The following WDR33 variants were observed in gnomAD, a reference collection of about 807,000 sequenced individuals.
WDR33 encodes pre-mRNA 3' end processing protein WDR33.
Under a neutral mutation model 164.9 loss-of-function variants are expected in WDR33, and 47 were observed. The observed-to-expected ratio is 0.29, with a 90% CI of 0.23 to 0.36. The LOEUF is 0.36. Ranked by LOEUF, WDR33 falls within the 10% of genes least tolerant of loss-of-function variation. The pLI, the probability that WDR33 is intolerant of heterozygous loss-of-function variation, is 1.00. For missense variants in WDR33, 1,137 were observed against 1,754.1 expected, an observed-to-expected ratio of 0.65 and a Z score of 6.28; for synonymous variants, 505 against 589.0, an observed-to-expected ratio of 0.86 and a Z score of 2.06.
rs1019220201 is a variant in WDR33 at position 127,763,709 on chromosome 2, A to G, written c.627-550T>C. On this transcript the variant is annotated intron_variant, in intron 6 of 21. Transcript: ENST00000322313. The surrounding 1 kb of genome is among the most constrained non-coding windows in gnomAD (Gnocchi z 4.5). ...TCACATCTTCCTGGCAAGCTATTCC[A>G]TGAATGTTGCACCTTTGAGGAAAAC... 4 of 985,662 alleles carry G rather than the reference A, an allele frequency of 4.1e-6. No homozygotes were observed. Among genetic ancestry groups the G allele is most frequent in the Admixed American group, 1.2e-4 (2 of 16,300 alleles). The allele number at this position is 985,662 out of a possible 1,614,324, so 61.1% of individuals were successfully genotyped here.
chr2:127,765,231 A>G lies in WDR33; in HGVS notation c.417T>C (p.Ser139=), dbSNP rs750692885. The G allele has an allele frequency of 9.9e-6, 16 of 1,614,030 alleles. No individual in the cohort carries two copies. In the South Asian group the frequency reaches 1.8e-4, roughly 18 times the overall value. The change falls in exon 5 of 22, where the codon TCT becomes TCC. Residue 139 remains serine (S), a synonymous_variant. Coordinates refer to ENST00000322313, the MANE Select transcript of WDR33 (RefSeq NM_018383.5). ...CATTCCACAGGGTAAACTCCCCACT[A>G]GAAGCTCCAGTGACCAAGCGTCTTC... is the stretch of plus-strand genomic sequence containing the variant. ...PEGRRLVTGA[S]SGEFTLWNGL... is the part of the protein sequence containing the mutation.
Position 127,701,483 on chromosome 2 carries a change from C to T in WDR33, c.*4840G>A. 7.9e-7 allele frequency: 1 copy of T among 1,259,948 alleles called. No individual in the cohort carries two copies. The highest frequency in any genetic ancestry group is 1.0e-6 in the Non-Finnish European group (1 of 999,592). The allele number at this position is 1,259,948 out of a possible 1,614,324, so 78.0% of individuals were successfully genotyped here. On this transcript the variant is annotated 3_prime_UTR_variant, in exon 22 of 22. Coordinates refer to ENST00000322313, the MANE Select transcript of WDR33 (RefSeq NM_018383.5). ...AGACCGAACCGCTTCAGCGGAGGGCCGGAAGTGAGCCGCAGCTTTTCCTTT... is the reference window on the plus strand; with the variant it reads ...AGACCGAACCGCTTCAGCGGAGGGCTGGAAGTGAGCCGCAGCTTTTCCTTT...
Position 127,764,999 on chromosome 2 carries a change from T to C in WDR33, c.475-20A>G. 6.2e-7 allele frequency: 1 copy of C among 1,611,266 alleles called. No homozygotes were observed. Among genetic ancestry groups the C allele is most frequent in the Non-Finnish European group, 8.5e-7 (1 of 1,178,620 alleles). On this transcript the variant is annotated intron_variant, in intron 5 of 21. Coordinates refer to ENST00000322313, the MANE Select transcript of WDR33 (RefSeq NM_018383.5). This position sits in a 1 kb window ranked among gnomAD's most constrained non-coding sequence, Gnocchi z 6.2. ...GTGAGCCTGTGAAAGCAGAAAACAT[T>C]AATTAGTAAGGTGCTGCTTCAAAGA... is the stretch of plus-strand genomic sequence containing the variant.
In WDR33 at chr2:127,769,004, G is replaced by GA. The variant is rs765212099; in HGVS notation, c.205-4_205-3insT. The GA allele has an allele frequency of 5.3e-6, 6 of 1,134,008 alleles. No individual in the cohort carries two copies. The African/African-American group carries it at 7.9e-5, about 15-fold the overall frequency. The allele number at this position is 1,134,008 out of a possible 1,614,324, so 70.2% of individuals were successfully genotyped here. On this transcript the variant is annotated splice_region_variant and splice_polypyrimidine_tract_variant and intron_variant, in intron 2 of 21. Coordinates refer to ENST00000322313, the MANE Select transcript of WDR33 (RefSeq NM_018383.5). ...TGGTCTCTTTGCCATATTCTGTTCT[G>GA]TTAAATAAATAAATAAATAAATAAA...
chr2:127,782,801 A>G (rs1688420393), intron 1 of WDR33, among the ~76,000 whole-genome samples: 1 of 152,216 alleles, frequency 6.6e-6, no homozygotes, highest in Non-Finnish European at 1.5e-5. Flanking sequence ...CAAGGTCAGG[A>G]GATCGAGACC....
intron 2 of WDR33, among the ~76,000 whole-genome samples, chr2:127,769,846 A>G (rs1220648673): frequency 1.3e-5 from 2 of 152,192 alleles, no homozygotes; most frequent in Non-Finnish European, 2.9e-5. Context: ...AATGAACCTA[A>G]TAGGTAATAT....
intron 1 of WDR33, among the ~76,000 whole-genome samples, chr2:127,792,468 T>C (rs552968179): frequency 2.0e-4 from 30 of 151,286 alleles, no homozygotes; most frequent in African/African-American, 7.0e-4. Context: ...CGAGACCAAC[T>C]TGGCCAACAT....
intron 7 of WDR33, among the ~76,000 whole-genome samples, chr2:127,730,110 T>A (rs957836265): frequency 1.3e-5 from 2 of 152,274 alleles, no homozygotes; most frequent in Admixed American, 6.5e-5. Flanking sequence ...TTTTGTAATT[T>A]TTCAACTTTG....
chr2:127,719,230 T>G lies in WDR33; in HGVS notation c.2760+35A>C, dbSNP rs760332133. 13 of 1,394,080 alleles carry G rather than the reference T, an allele frequency of 9.3e-6. No individual in the cohort carries two copies. The South Asian group carries it at 2.5e-4, about 26-fold the overall frequency. The allele number at this position is 1,394,080 out of a possible 1,614,324, so 86.4% of individuals were successfully genotyped here. On this transcript the variant is annotated intron_variant, in intron 16 of 21. Transcript: ENST00000322313. The surrounding 1 kb of genome is among the most constrained non-coding windows in gnomAD (Gnocchi z 6.5). ...TATTACTTCTGTGCAGAGTGTATTT[T>G]CCCAATGTGCCCGTGAGTTGGAAAT...
chr2:127,739,694 T>C (rs966146317), intron 7 of WDR33, among the ~76,000 whole-genome samples: 3 of 152,246 alleles, frequency 2.0e-5, no homozygotes, highest in Admixed American at 6.5e-5. Context: ...ATTTTGAACA[T>C]TCAATGAATA....
At chr2:127,793,513 G>C (rs1380621227) in intron 1 of WDR33, among the ~76,000 whole-genome samples, 1 of 152,116 alleles carries the variant, frequency 6.6e-6, no homozygotes, top group African/African-American at 2.4e-5. Flanking sequence ...GGCCAAGGCA[G>C]GAGGATCACT....
At position 127,717,299 on chromosome 2, in the gene WDR33, A is replaced by C. The variant is rs1244579813; in HGVS notation, c.2761-36T>G. 6.6e-7 allele frequency: 1 copy of C among 1,509,888 alleles called. No homozygotes were observed. Among genetic ancestry groups the C allele is most frequent in the Admixed American group, 2.4e-5 (1 of 41,968 alleles). 93.5% of individuals were successfully genotyped at this position (1,509,888 alleles called of 1,614,324 possible). A position where few individuals can be genotyped will look rare whatever the true frequency, so the allele number is the denominator to read the frequency against. On this transcript the variant is annotated intron_variant, in intron 16 of 21. Transcript: ENST00000322313. The surrounding 1 kb of genome is among the most constrained non-coding windows in gnomAD (Gnocchi z 5.6). Reference sequence around the variant, plus strand: ...GTTTTTAAAGTAAGGGTATGAAATCACAGGCTTGAGCTACATAAATAGTGA... The same window carrying C: ...GTTTTTAAAGTAAGGGTATGAAATCCCAGGCTTGAGCTACATAAATAGTGA...
Position 127,722,212 on chromosome 2 carries a change from T to C in WDR33, c.1519-224A>G, listed in dbSNP as rs1686457859. Reference sequence around the variant, plus strand: ...GATAAAAGCTGCAAGACACTGCATGTTATTAAGAATGCAAAGCTTGCCAGC... The same window carrying C: ...GATAAAAGCTGCAAGACACTGCATGCTATTAAGAATGCAAAGCTTGCCAGC... On this transcript the variant is annotated intron_variant, in intron 14 of 21. Transcript: ENST00000322313. The surrounding 1 kb of genome is among the most constrained non-coding windows in gnomAD (Gnocchi z 5.1). Among the ~76,000 whole-genome samples the C allele has an allele frequency of 6.6e-6, 1 of 152,190 alleles. No homozygotes were observed. Among genetic ancestry groups the C allele is most frequent in the South Asian group, 2.1e-4 (1 of 4,828 alleles).
At chr2:127,803,933 G>A (rs1689341613) in intron 1 of WDR33, among the ~76,000 whole-genome samples, 1 of 135,448 alleles carries the variant, frequency 7.4e-6, no homozygotes, top group African/African-American at 2.8e-5. Context: ...GGGCAACGAA[G>A]TGAGACCCAG....
chr2:127,773,310 C>G (rs1412150254), intron 1 of WDR33, among the ~76,000 whole-genome samples: 1 of 152,048 alleles, frequency 6.6e-6, no homozygotes, highest in African/African-American at 2.4e-5. Flanking sequence ...AAATAATGAG[C>G]CTGAAAAAAT....
At chr2:127,790,351 A>G (rs903565006) in intron 1 of WDR33, among the ~76,000 whole-genome samples, 1 of 152,094 alleles carries the variant, frequency 6.6e-6, no homozygotes, top group African/African-American at 2.4e-5. Context: ...AGTTACTAAT[A>G]TTTTGTTGTG....
At chr2:127,805,000 T>C (rs78769186) in intron 1 of WDR33, among the ~76,000 whole-genome samples, 5,780 of 151,826 alleles carry the variant, frequency 0.038, 254 homozygotes, top group South Asian at 0.17. Context: ...TACCACCTTA[T>C]TGAAGGCTCA....
chr2:127,758,000 C>G (rs1433751304), intron 7 of WDR33, among the ~76,000 whole-genome samples: 1 of 152,164 alleles, frequency 6.6e-6, no homozygotes, highest in Non-Finnish European at 1.5e-5. Flanking sequence ...GTGTTCATTT[C>G]CATTCCATTA....
rs367960827 is a variant in WDR33, at chr2:127,771,882, A to G, written c.-23-878T>C. Among the ~76,000 whole-genome samples, 140 of 152,298 alleles carry G rather than the reference A, an allele frequency of 9.2e-4. 1 individual carries two copies. The East Asian group carries it at 0.021, about 23-fold the overall frequency. ...GTAAAATTCAGCCTCGTGAAGAAAA[A>G]AAGCACAATTCATAACAGCTTGAGG... is the stretch of plus-strand genomic sequence containing the variant. On this transcript the variant is annotated intron_variant, in intron 1 of 21. Coordinates refer to ENST00000322313, the MANE Select transcript of WDR33 (RefSeq NM_018383.5).
Sources: allele counts gnomAD v4.1 joint callset (sites outside exome capture counted in the v4.1 genomes callset), GRCh38; gene constraint gnomAD v4.1.1; non-coding constraint Gnocchi (gnomAD v3.1); transcripts MANE v1.5; gene names NCBI Gene and HGNC (gene_info 2026-07-23, HGNC 2026-07-21).